Variants in DYSF observed in about 807,000 individuals in gnomAD.
DYSF encodes the protein dysferlin.
In DYSF, 212 loss-of-function variants were observed where a neutral mutation model predicts 274.9. The observed-to-expected ratio is 0.77, with a 90% CI of 0.69 to 0.86. The LOEUF is 0.86. Ranked by LOEUF, DYSF falls within the 40% of genes least tolerant of loss-of-function variation. The pLI is 0.00. For synonymous variants in DYSF, 1,091 were observed against 1,078.7 expected, an observed-to-expected ratio of 1.01 and a Z score of -0.22; for missense variants, 2,666 against 2,783.2, an observed-to-expected ratio of 0.96 and a Z score of 0.95.
At position 71,502,613 on chromosome 2, in the gene DYSF, AC is replaced by A. The variant is rs2085093356; in HGVS notation, c.240-597del. The stretch of plus-strand genomic sequence containing the variant: ...TCCTAATAGCCCATACATGTGCCCC[AC>A]CCCTCCTGTCAGTCAGAAATGCAGC... On this transcript the variant is annotated intron_variant, in intron 3 of 55. Transcript: ENST00000410020. Among the ~76,000 whole-genome samples the A allele has an allele frequency of 2.0e-5, 3 of 151,654 alleles. No individual in the cohort carries two copies. In the South Asian group the frequency reaches 6.3e-4, roughly 32 times the overall value.
chr2:71,549,270 C>T (rs2090745542), intron 17 of DYSF: 1 of 1,407,154 alleles, frequency 7.1e-7, no homozygotes, highest in Non-Finnish European at 9.9e-7. Context: ...GCCAGCTCTC[C>T]ATCCACAGCC....
chr2:71,618,448 A>AG, intron 40 of DYSF, among the ~76,000 whole-genome samples: 7 of 4,354 alleles, frequency 1.6e-3, no homozygotes, highest in East Asian at 8.1e-3. Context: ...TGTGTGGTAG[A>AG]GGTGGGGTTG....
chr2:71,685,303 C>G lies in DYSF; in HGVS notation c.6322-1151C>G, dbSNP rs115697642. On this transcript the variant is annotated intron_variant, in intron 55 of 55. Transcript: ENST00000410020. ...AGTTGTCCTCTTTAAAATATGGACC[C>G]TGCTTCCCCTCTCCCAGGGCTGGTG... 4.4e-3 allele frequency among the ~76,000 whole-genome samples: 676 copies of G among 152,350 alleles called. 3 individuals are homozygous for G. Among genetic ancestry groups the G allele is most frequent in the African/African-American group, 0.014 (578 of 41,582 alleles).
At chr2:71,655,551 A>G (rs970851031) in intron 42 of DYSF, among the ~76,000 whole-genome samples, 3 of 152,270 alleles carry the variant, frequency 2.0e-5, no homozygotes, top group African/African-American at 7.2e-5. Context: ...TTTAACAAAT[A>G]ATAATCATTG....
At chr2:71,540,153 C>T (rs1356282864) in intron 17 of DYSF, among the ~76,000 whole-genome samples, 1 of 150,048 alleles carries the variant, frequency 6.7e-6, no homozygotes, top group Non-Finnish European at 1.5e-5. Flanking sequence ...GCCCTGTTGC[C>T]AGGCTGCAGT....
At chr2:71,529,580 C>T (rs1346922057) in intron 14 of DYSF, among the ~76,000 whole-genome samples, 1 of 152,210 alleles carries the variant, frequency 6.6e-6, no homozygotes, top group Non-Finnish European at 1.5e-5. Flanking sequence ...GTTGTCCCAT[C>T]ATTAGGGATG....
intron 32 of DYSF, among the ~76,000 whole-genome samples, chr2:71,592,417 G>A (rs1240800979): frequency 2.0e-5 from 3 of 152,050 alleles, no homozygotes; most frequent in South Asian, 2.1e-4. Context: ...TGAAAGGCCC[G>A]ATTGAGCAGC....
At position 71,551,085 on chromosome 2, in the gene DYSF, A is replaced by G. The variant is rs1384706156; in HGVS notation, c.1621A>G (p.Ile541Val). ...CCTCCCCACTTTTGGGCCCTGCTAC[A>G]TCAACCTCTATGGCAGTCCCAGAGA... ...GFLPTFGPCYINLYGSPREFT... is the reference protein window; with the variant it reads ...GFLPTFGPCYVNLYGSPREFT... The change falls in exon 18 of 56, where the codon ATC becomes GTC. Residue 541 changes from isoleucine to valine, a missense_variant. By Grantham distance (29) the Ile-to-Val change is conservative. Around this residue, in one of 3 missense-constraint regions of DYSF, gnomAD observed 794 missense variants for 777.1 expected, o/e 1.02. Transcript: ENST00000410020. 1 of 1,614,114 alleles carries G rather than the reference A, an allele frequency of 6.2e-7. No homozygotes were observed. Among genetic ancestry groups the G allele is most frequent in the South Asian group, 1.1e-5 (1 of 91,088 alleles).
intron 3 of DYSF, among the ~76,000 whole-genome samples, chr2:71,488,860 C>T (rs1157062290): frequency 6.6e-6 from 1 of 152,136 alleles, no homozygotes; most frequent in Non-Finnish European, 1.5e-5. Context: ...CTGCCTTCAC[C>T]CTTCCCCATG....
In DYSF at chr2:71,664,334, C is replaced by T. The variant is rs1382607412; in HGVS notation, c.5070C>T (p.Asp1690=). The part of the protein sequence containing the change: ...KDLKITLYDY[D]LLSKDEKIGE... ...TAAAGATCACTCTCTATGACTATGA[C>T]CTCCTCTCCAAGGACGAAAAGATCG... Residue 1690 remains aspartate, a synonymous_variant, in exon 46 of 56, where the codon GAC becomes GAT. Transcript: ENST00000410020. 9 of 1,614,214 alleles carry T rather than the reference C, an allele frequency of 5.6e-6. No individual in the cohort carries two copies. The highest frequency in any genetic ancestry group is 1.6e-4 in the Middle Eastern group (1 of 6,062).
chr2:71,551,001 C>T, intron 17 of DYSF, 40 bp from the exon 18 acceptor site: 2 of 1,589,014 alleles, frequency 1.3e-6, no homozygotes, highest in Non-Finnish European at 1.7e-6. Flanking sequence ...TGGGAAGCCC[C>T]ACTGGGCCGA....
chr2:71,570,179 C>G (rs1458219512), intron 27 of DYSF, 50 bp from the exon 28 acceptor site: 1 of 1,531,980 alleles, frequency 6.5e-7, no homozygotes, highest in African/African-American at 1.4e-5. Flanking sequence ...CCTCCCTGCT[C>G]ACATCTGTCT....
At chr2:71,510,151 A>G (rs999128767) in intron 4 of DYSF, among the ~76,000 whole-genome samples, 6 of 152,220 alleles carry the variant, frequency 3.9e-5, no homozygotes, top group Non-Finnish European at 7.3e-5. Context: ...GTCCAGGCTC[A>G]TCTTGTATCT....
rs759236656 is a variant in DYSF at position 71,568,036 on chromosome 2, A to G, written c.2651A>G (p.Glu884Gly). 3.1e-6 allele frequency: 5 copies of G among 1,614,180 alleles called. No homozygotes were observed. Among genetic ancestry groups the G allele is most frequent in the African/African-American group, 1.3e-5 (1 of 75,030 alleles). ...TTTGGGCTCTCAGTGGATGAGAAGG[A>G]GTTCAACCAGTTTGCTGAGGGGAAG... Reference protein sequence around the residue: ...LWFGLSVDEKEFNQFAEGKLS... With the variant: ...LWFGLSVDEKGFNQFAEGKLS... The change falls in exon 25 of 56, where the codon GAG (glutamate) becomes GGG (glycine). Residue 884 changes from glutamate to glycine, a missense_variant. Glu to Gly is a moderately conservative substitution (Grantham distance 98). Coordinates refer to ENST00000410020, the MANE Select transcript of DYSF (RefSeq NM_001130987.2).
At chr2:71,620,096 C>G (rs536055185) in intron 40 of DYSF, among the ~76,000 whole-genome samples, 1 of 152,270 alleles carries the variant, frequency 6.6e-6, no homozygotes, top group South Asian at 2.1e-4. Flanking sequence ...CCTGCTGTAG[C>G]TTTGGGAACC....
rs142942834 is a variant in DYSF, at chr2:71,522,525, G to C, written c.1149+1621G>C. On this transcript the variant is annotated intron_variant, in intron 12 of 55. Transcript: ENST00000410020. ...CAGTGGGTTCTTCAAATTCGATGTT[G>C]CAGTTCAGTCCCTGTTCCCTTGCTG... Among the ~76,000 whole-genome samples the C allele has an allele frequency of 2.9e-3, 442 of 152,184 alleles. 1 individual carries two copies. The highest frequency in any genetic ancestry group is 0.01 in the African/African-American group (431 of 41,510).
intron 22 of DYSF, among the ~76,000 whole-genome samples, chr2:71,559,684 C>T (rs938478361): frequency 6.6e-6 from 1 of 152,252 alleles, no homozygotes; most frequent in African/African-American, 2.4e-5. Flanking sequence ...GCCCTTCCCA[C>T]TCTTTGGGCC....
chr2:71,536,301 A>G (rs2089329886), intron 16 of DYSF, among the ~76,000 whole-genome samples: 1 of 152,162 alleles, frequency 6.6e-6, no homozygotes, highest in Non-Finnish European at 1.5e-5. Flanking sequence ...AAAAACCCCC[A>G]GGCCACAGAG....
At chr2:71,506,789 G>A (rs1164002346) in intron 4 of DYSF, among the ~76,000 whole-genome samples, 2 of 152,096 alleles carry the variant, frequency 1.3e-5, no homozygotes, top group African/African-American at 4.8e-5. Flanking sequence ...ATCAGATCCT[G>A]AAGCCATGGT....
Sources: allele counts gnomAD v4.1 joint callset (sites outside exome capture counted in the v4.1 genomes callset), GRCh38; gene constraint gnomAD v4.1.1; regional missense constraint gnomAD v4.1.1; transcripts MANE v1.5; gene names NCBI Gene and HGNC (gene_info 2026-07-23, HGNC 2026-07-21).